The following CARM1 variants were observed in gnomAD, a reference collection of about 807,000 sequenced individuals.
CARM1 encodes histone-arginine methyltransferase CARM1.
A neutral mutation model predicts 72.7 loss-of-function variants in CARM1; 14 were observed. That is an observed-to-expected ratio of 0.19 (90% CI 0.13 to 0.30). CARM1 has a LOEUF of 0.30. CARM1 is among the 10% of genes least tolerant of loss of function. CARM1 has a pLI of 1.00. For missense variants in CARM1, 432 were observed against 833.7 expected (o/e 0.52, Z 5.93); for synonymous variants, 333 against 345.5 (o/e 0.96, Z 0.40).
intron 1 of CARM1, among the ~76,000 whole-genome samples, chr19:10,873,266 G>T (rs1487804291): frequency 2.0e-5 from 3 of 152,126 alleles, no homozygotes; most frequent in Non-Finnish European, 2.9e-5. Flanking sequence ...ATCCTCAAAG[G>T]AGTTCCAGGA....
chr19:10,881,010 T>A (rs571816265), intron 1 of CARM1, among the ~76,000 whole-genome samples: 13 of 152,064 alleles, frequency 8.5e-5, no homozygotes, highest in Admixed American at 2.6e-4. Context: ...AAAAATAATT[T>A]AAAAAAATTA....
chr19:10,877,141 A>G (rs1206623433), intron 1 of CARM1, among the ~76,000 whole-genome samples: 1 of 151,946 alleles, frequency 6.6e-6, no homozygotes, highest in Non-Finnish European at 1.5e-5. Context: ...CAGCTGGGGC[A>G]GGGGTATAGA....
chr19:10,916,840 C>A lies in CARM1; in HGVS notation c.1020+63C>A. 7.9e-7 allele frequency: 1 copy of A among 1,259,552 alleles called. No homozygotes were observed. 78.0% of individuals were successfully genotyped at this position (1,259,552 alleles called of 1,614,324 possible). On this transcript the variant is annotated intron_variant, in intron 8 of 15. Transcript: ENST00000327064. The surrounding 1 kb of genome is among the most constrained non-coding windows in gnomAD (Gnocchi z 4.4). ...TTGCCATTGCTGTGCAGCTGTGCAGCCCTCAGGAAGCTACAGCCCCTCTCT... is the reference window on the plus strand; with the variant it reads ...TTGCCATTGCTGTGCAGCTGTGCAGACCTCAGGAAGCTACAGCCCCTCTCT...
intron 1 of CARM1, among the ~76,000 whole-genome samples, chr19:10,894,933 T>C (rs1195141959): frequency 6.6e-6 from 1 of 151,934 alleles, no homozygotes; most frequent in South Asian, 2.1e-4. Context: ...TTGTAGAAGA[T>C]GGGGTCTCAC....
intron 1 of CARM1, among the ~76,000 whole-genome samples, chr19:10,883,371 C>G (rs1291004139): frequency 1.7e-4 from 26 of 152,068 alleles, no homozygotes; most frequent in Admixed American, 1.7e-3. Context: ...GAGGAGGAGT[C>G]CCTTTCCCCG....
chr19:10,921,076 A>G lies in CARM1; in HGVS notation c.1564A>G (p.Ser522Gly). ...GATGCCGACCGCCTATGACTTGAGCAGTGTTATTGCCAGTGGCTCCAGCGT... is the reference window on the plus strand; with the variant it reads ...GATGCCGACCGCCTATGACTTGAGCGGTGTTATTGCCAGTGGCTCCAGCGT... ...AGMPTAYDLSSVIASGSSVGH... is the reference protein window; with the variant it reads ...AGMPTAYDLSGVIASGSSVGH... Residue 522 changes from serine to glycine, a missense_variant, in exon 14 of 16, where the codon AGT becomes GGT. Physicochemically the swap from Ser to Gly is moderately conservative, Grantham distance 56 (BLOSUM62 0). Coordinates refer to ENST00000327064, the MANE Select transcript of CARM1 (RefSeq NM_199141.2). 1.2e-6 allele frequency: 2 copies of G among 1,614,160 alleles called. No individual in the cohort carries two copies. Among genetic ancestry groups the G allele is most frequent in the Non-Finnish European group, 1.7e-6 (2 of 1,179,994 alleles).
intron 2 of CARM1, among the ~76,000 whole-genome samples, chr19:10,907,706 C>T (rs747709759): frequency 6.6e-6 from 1 of 152,186 alleles, no homozygotes; most frequent in Non-Finnish European, 1.5e-5. Flanking sequence ...GCTTATTTGC[C>T]AGAGCTTTGA....
At chr19:10,901,778 C>A (rs2074068043) in intron 1 of CARM1, among the ~76,000 whole-genome samples, 1 of 152,056 alleles carries the variant, frequency 6.6e-6, no homozygotes, top group Non-Finnish European at 1.5e-5. Flanking sequence ...CCCGTCTCTA[C>A]CAAAAATACA....
intron 9 of CARM1, 90 bp from the exon 10 acceptor site, chr19:10,919,787 G>C (rs1043252243): frequency 2.0e-6 from 3 of 1,507,786 alleles, no homozygotes; most frequent in African/African-American, 2.8e-5. Flanking sequence ...TGGTGGGCGG[G>C]GGCCCCAGGC....
At chr19:10,914,186 C>T (rs992247740) in intron 6 of CARM1, 132 bp downstream of exon 6, 15 of 898,262 alleles carry the variant, frequency 1.7e-5, no homozygotes, top group Non-Finnish European at 1.7e-6. Context: ...GGCTTTTCCC[C>T]CGCTCCCACC....
chr19:10,881,881 C>G (rs891070200), intron 1 of CARM1, among the ~76,000 whole-genome samples: 2 of 152,074 alleles, frequency 1.3e-5, no homozygotes, highest in African/African-American at 2.4e-5. Context: ...TGGTGACACC[C>G]GAGATAAACA....
At chr19:10,873,995 T>A (rs533013123) in intron 1 of CARM1, among the ~76,000 whole-genome samples, 1 of 152,324 alleles carries the variant, frequency 6.6e-6, no homozygotes, top group African/African-American at 2.4e-5. Flanking sequence ...TCCTACCATC[T>A]TATTCCTGGA....
Position 10,882,325 on chromosome 19 carries a change from A to G in CARM1, c.220+10403A>G, listed in dbSNP as rs151254019. On this transcript the variant is annotated intron_variant, in intron 1 of 15. Transcript: ENST00000327064. Reference sequence around the variant, plus strand: ...CTGTGATGGAGGCTGGGCTCCAGCCATGCTGTGGCCCGCTGTGCTTTCCTG... The same window carrying G: ...CTGTGATGGAGGCTGGGCTCCAGCCGTGCTGTGGCCCGCTGTGCTTTCCTG... Among the ~76,000 whole-genome samples the G allele has an allele frequency of 5.8e-3, 889 of 152,284 alleles. 17 individuals are homozygous for G. Among genetic ancestry groups the G allele is most frequent in the African/African-American group, 0.021 (856 of 41,562 alleles).
Position 10,919,948 on chromosome 19 carries a change from T to C in CARM1, c.1178T>C (p.Val393Ala). 6.2e-7 allele frequency: 1 copy of C among 1,613,984 alleles called. No individual in the cohort carries two copies. The highest frequency in any genetic ancestry group is 8.5e-7 in the Non-Finnish European group (1 of 1,179,904). ...LVHGLAFWFD[V>A]AFIGSIMTVW... Reference sequence around the variant, plus strand: ...CACGGCCTGGCTTTCTGGTTTGACGTTGCTTTCATCGGCTCCATGTGAGTG... The same window carrying C: ...CACGGCCTGGCTTTCTGGTTTGACGCTGCTTTCATCGGCTCCATGTGAGTG... The change falls in exon 10 of 16, where the codon GTT (valine) becomes GCT (alanine). Residue 393 changes from valine (V) to alanine (A), a missense_variant. By Grantham distance (64) the Val-to-Ala change is moderately conservative. Around this residue, in one of 3 missense-constraint regions of CARM1, gnomAD observed 152 missense variants for 452.8 expected, o/e 0.34. Coordinates refer to ENST00000327064, the MANE Select transcript of CARM1 (RefSeq NM_199141.2).
At chr19:10,920,000 C>T (rs2074227323) in intron 10 of CARM1, 34 bp downstream of exon 10, 3 of 1,550,576 alleles carry the variant, frequency 1.9e-6, no homozygotes, top group Non-Finnish European at 2.7e-6. Flanking sequence ...GCTGCCTCCT[C>T]CCCACTCCCA....
chr19:10,873,652 TTTTTTG>T, intron 1 of CARM1, among the ~76,000 whole-genome samples: 1 of 136,218 alleles, frequency 7.3e-6, no homozygotes, highest in South Asian at 2.6e-4. Context: ...TTTTTTTTTT[TTTTTTG>T]AGACAGAGTC....
chr19:10,873,739 A>T (rs1211284613), intron 1 of CARM1, among the ~76,000 whole-genome samples: 2 of 129,658 alleles, frequency 1.5e-5, no homozygotes, highest in Non-Finnish European at 3.1e-5. Flanking sequence ...ACCTGGGTTC[A>T]CGCCATTCTC....
At chr19:10,893,682 G>A (rs1055722170) in intron 1 of CARM1, among the ~76,000 whole-genome samples, 4 of 152,206 alleles carry the variant, frequency 2.6e-5, no homozygotes, top group African/African-American at 9.7e-5. Flanking sequence ...CAGGGGTGAA[G>A]GCAGGTGCTA....
At position 10,882,358 on chromosome 19, in the gene CARM1, G is replaced by C. The variant is rs577836344; in HGVS notation, c.220+10436G>C. On this transcript the variant is annotated intron_variant, in intron 1 of 15. Transcript: ENST00000327064. Reference sequence around the variant, plus strand: ...GCCCGCTGTGCTTTCCTGGCGGGGCGATCATGGGCAAATGCCTCAGTGTCC... The same window carrying C: ...GCCCGCTGTGCTTTCCTGGCGGGGCCATCATGGGCAAATGCCTCAGTGTCC... Among the ~76,000 whole-genome samples, 33 of 152,146 alleles carry C rather than the reference G, an allele frequency of 2.2e-4. No individual in the cohort carries two copies. In the South Asian group the frequency reaches 6.4e-3, roughly 30 times the overall value.
Sources: allele counts gnomAD v4.1 joint callset (sites outside exome capture counted in the v4.1 genomes callset), GRCh38; gene constraint gnomAD v4.1.1; regional missense constraint gnomAD v4.1.1; non-coding constraint Gnocchi (gnomAD v3.1); transcripts MANE v1.5; gene names NCBI Gene and HGNC (gene_info 2026-07-23, HGNC 2026-07-21).